FER: variants seen among roughly 807,000 people sequenced by gnomAD.
FER encodes the protein tyrosine-protein kinase Fer.
In FER, 63 loss-of-function variants were observed where a neutral mutation model predicts 111.0. The ratio of observed to expected loss-of-function variants is 0.57; its 90% CI spans 0.46 to 0.70. The LOEUF is 0.70. FER is among the 30% of genes least tolerant of loss of function. FER has a pLI of 0.00. For missense variants in FER, 914 were observed against 954.0 expected (o/e 0.96, Z 0.55); for synonymous variants, 327 against 313.9 (o/e 1.04, Z -0.44).
intron 16 of FER, among the ~76,000 whole-genome samples, chr5:109,053,791 C>T (rs905122008): frequency 1.6e-4 from 24 of 149,662 alleles, no homozygotes; most frequent in African/African-American, 5.4e-4. Context: ...CCTGGGTTCA[C>T]GCCATTCTCC....
intron 13 of FER, among the ~76,000 whole-genome samples, chr5:108,967,575 A>G (rs1760033965): frequency 6.6e-6 from 1 of 151,938 alleles, no homozygotes; most frequent in Admixed American, 6.6e-5. Flanking sequence ...CAGCTTGGCC[A>G]ATATGGTGAA....
chr5:108,837,625 A>G (rs924646785), intron 5 of FER, among the ~76,000 whole-genome samples: 3 of 152,214 alleles, frequency 2.0e-5, no homozygotes, highest in Admixed American at 6.5e-5. Flanking sequence ...TTAGAAAAAG[A>G]AATACATAAG....
chr5:109,148,845 T>C (rs964884470), intron 17 of FER, among the ~76,000 whole-genome samples: 49 of 152,146 alleles, frequency 3.2e-4, no homozygotes, highest in African/African-American at 9.4e-4. Flanking sequence ...AGTACCAGAA[T>C]AGCAATGAGT....
At chr5:109,027,137 C>T (rs983860069) in intron 13 of FER, among the ~76,000 whole-genome samples, 1 of 151,468 alleles carries the variant, frequency 6.6e-6, no homozygotes, top group Non-Finnish European at 1.5e-5. Flanking sequence ...TTTTTTCTTT[C>T]TTTCTTTCAA....
intron 16 of FER, among the ~76,000 whole-genome samples, chr5:109,063,142 A>C (rs533431872): frequency 2.7e-4 from 41 of 152,250 alleles, no homozygotes; most frequent in African/African-American, 4.3e-4. Flanking sequence ...TTTCCATATA[A>C]ATCTTTCAAT....
chr5:108,997,652 G>A (rs536302057), intron 13 of FER, among the ~76,000 whole-genome samples: 5 of 152,128 alleles, frequency 3.3e-5, no homozygotes, highest in South Asian at 4.2e-4. Flanking sequence ...GCAGAGCTCC[G>A]GTGCTGTGCT....
intron 8 of FER, among the ~76,000 whole-genome samples, chr5:108,873,941 C>T (rs549821895): frequency 6.6e-6 from 1 of 152,102 alleles, no homozygotes; most frequent in Non-Finnish European, 1.5e-5. Flanking sequence ...TTTCTCAATT[C>T]CTGTGCAGTG....
At chr5:108,755,550 A>G (rs552312078) in intron 1 of FER, among the ~76,000 whole-genome samples, 99 of 152,202 alleles carry the variant, frequency 6.5e-4, no homozygotes, top group African/African-American at 2.2e-3. Context: ...CAATGGCACA[A>G]TCTCGGCTCA....
intron 10 of FER, among the ~76,000 whole-genome samples, chr5:108,902,092 A>G (rs1249134233): frequency 1.3e-5 from 2 of 152,210 alleles, no homozygotes; most frequent in African/African-American, 2.4e-5. Context: ...AACATTGGAA[A>G]GATTAGTCTT....
intron 17 of FER, among the ~76,000 whole-genome samples, chr5:109,177,283 C>T (rs892573454): frequency 5.3e-5 from 8 of 151,862 alleles, no homozygotes; most frequent in Admixed American, 2.0e-4. Context: ...ATCCTCACTC[C>T]CTGGGTTGTT....
At chr5:108,844,061 T>TGTGTGTGAACACATATATATGTGTGAAC (rs1561500033) in intron 5 of FER, among the ~76,000 whole-genome samples, 1 of 89,986 alleles carries the variant, frequency 1.1e-5, no homozygotes, top group South Asian at 3.0e-4. Flanking sequence ...TGTGTGAACA[T>TGTGTGTGAACACATATATATGTGTGAAC]ATATATGTGT....
intron 8 of FER, among the ~76,000 whole-genome samples, chr5:108,875,357 T>A (rs561308092): frequency 5.9e-5 from 9 of 152,178 alleles, no homozygotes; most frequent in Admixed American, 1.3e-4. Flanking sequence ...TTATATATAA[T>A]ATAATTTCTC....
At chr5:109,101,873 A>G (rs898159434) in intron 17 of FER, among the ~76,000 whole-genome samples, 2 of 152,098 alleles carry the variant, frequency 1.3e-5, no homozygotes, top group African/African-American at 2.4e-5. Context: ...AGGTGCTTCA[A>G]ATTCTCTCTG....
At chr5:108,821,002 C>T (rs892355595) in intron 3 of FER, among the ~76,000 whole-genome samples, 3 of 152,194 alleles carry the variant, frequency 2.0e-5, no homozygotes, top group African/African-American at 7.2e-5. Context: ...ATCCCAGCTA[C>T]TCGGGAGGTT....
chr5:109,115,388 A>G (rs1750105082), intron 17 of FER, among the ~76,000 whole-genome samples: 1 of 152,120 alleles, frequency 6.6e-6, no homozygotes, highest in African/African-American at 2.4e-5. Context: ...GAAACCAGGT[A>G]TTTTCCAAGT....
Position 108,894,622 on chromosome 5 carries a change from A to G in FER, c.1047-3037A>G, listed in dbSNP as rs112554751. ...CCCTCAAGGGACTTGAAAAAATAAT[A>G]GAAGAGCGTGGTGCTGGTCCTGCGG... On this transcript the variant is annotated intron_variant, in intron 9 of 19. Transcript: ENST00000281092. The G allele has an allele frequency of 1.2e-3, 435 of 352,576 alleles. 1 individual carries two copies. Among genetic ancestry groups the G allele is most frequent in the African/African-American group, 8.8e-3 (411 of 46,810 alleles). The allele number at this position is 352,576 out of a possible 1,614,324, so 21.8% of individuals were successfully genotyped here.
intron 3 of FER, among the ~76,000 whole-genome samples, chr5:108,800,890 C>CA (rs35640211): frequency 3.3e-5 from 5 of 151,818 alleles, no homozygotes; most frequent in African/African-American, 4.8e-5. Flanking sequence ...ACCAAAAATA[C>CA]AAAAAAATTA....
intron 10 of FER, among the ~76,000 whole-genome samples, chr5:108,914,231 CTGTGTGTG>C (rs35365353): frequency 1.4e-5 from 2 of 141,138 alleles, no homozygotes; most frequent in Non-Finnish European, 3.1e-5. Flanking sequence ...ACTTGTCTCT[CTGTGTGTG>C]TGTGTGTGTG....
intron 5 of FER, among the ~76,000 whole-genome samples, chr5:108,849,341 T>TC (rs1317529171): frequency 6.6e-6 from 1 of 152,182 alleles, no homozygotes; most frequent in East Asian, 1.9e-4. Flanking sequence ...ATAATTTTTT[T>TC]CCCCTTGTCT....
Sources: gnomAD v4.1 joint callset for allele counts (sites outside exome capture counted in the v4.1 genomes callset) on GRCh38, gnomAD v4.1.1 for gene constraint, MANE v1.5 for transcripts, NCBI Gene and HGNC (gene_info 2026-07-23, HGNC 2026-07-21) for gene names.